The following UGT1A8 variants were observed in gnomAD, a reference collection of about 807,000 sequenced individuals.
UGT1A8 encodes the protein UDP-glucuronosyltransferase 1A8.
UGT1A8 carries 39 observed loss-of-function variants against 45.3 expected under a neutral mutation model. The ratio of observed to expected loss-of-function variants is 0.86; its 90% CI spans 0.67 to 1.12. The LOEUF is 1.12. Among genes scored for constraint, UGT1A8 ranks in the 50% most tolerant of loss-of-function variants. The pLI is 0.00. For missense variants in UGT1A8, 719 were observed against 664.9 expected, an observed-to-expected ratio of 1.08 and a Z score of -0.90; for synonymous variants, 275 against 249.2, an observed-to-expected ratio of 1.10 and a Z score of -0.97.
At chr2:233,728,395 C>G (rs989594953) in intron 1 of UGT1A8, among the ~76,000 whole-genome samples, 1 of 152,120 alleles carries the variant, frequency 6.6e-6, no homozygotes, top group Non-Finnish European at 1.5e-5. Flanking sequence ...GTTGTCTTGC[C>G]CATGTGTGCT....
intron 1 of UGT1A8, among the ~76,000 whole-genome samples, chr2:233,715,816 G>A (rs1294109650): frequency 6.6e-6 from 1 of 152,118 alleles, no homozygotes; most frequent in Non-Finnish European, 1.5e-5. Context: ...TTGTTTTAAA[G>A]TTAGAAAACA....
intron 1 of UGT1A8, among the ~76,000 whole-genome samples, chr2:233,642,978 T>C (rs2125465722): frequency 6.6e-6 from 1 of 152,322 alleles, no homozygotes; most frequent in African/African-American, 2.4e-5. Flanking sequence ...CCATCACCAC[T>C]ATGACTGTGC....
intron 1 of UGT1A8, among the ~76,000 whole-genome samples, chr2:233,676,310 T>C (rs554815608): frequency 6.6e-6 from 1 of 152,332 alleles, no homozygotes; most frequent in African/African-American, 2.4e-5. Context: ...TCTCACAGTC[T>C]GTTGAGTGAC....
chr2:233,622,373 C>T (rs2073024447), intron 1 of UGT1A8, among the ~76,000 whole-genome samples: 1 of 152,168 alleles, frequency 6.6e-6, no homozygotes, highest in Admixed American at 6.5e-5. Context: ...CCTATTTCTC[C>T]ACATCCTCTC....
At chr2:233,693,048 T>A in intron 1 of UGT1A8, 1 of 1,614,120 alleles carries the variant, frequency 6.2e-7, no homozygotes, top group South Asian at 1.1e-5. Context: ...TCTGCAGGGG[T>A]TTTCTTCTTA....
In UGT1A8 at chr2:233,725,323, G is replaced by T. The variant is rs1370271039; in HGVS notation, c.856-41711G>T. Among the ~76,000 whole-genome samples the T allele has an allele frequency of 2.0e-5, 2 of 97,652 alleles. 1 individual carries two copies. The highest frequency in any genetic ancestry group is 4.3e-5 in the Non-Finnish European group (2 of 46,066). 64.1% of individuals were successfully genotyped at this position (97,652 alleles called of 152,430 possible). The stretch of plus-strand genomic sequence containing the variant: ...GCAGAGGCAGAGGCAGAGGCGCCTG[G>T]TCAACAATCTTAAGTCCAATAAGAA... On this transcript the variant is annotated intron_variant, in intron 1 of 4. Transcript: ENST00000373450.
chr2:233,645,011 T>C (rs991996970), intron 1 of UGT1A8, among the ~76,000 whole-genome samples: 2 of 152,142 alleles, frequency 1.3e-5, no homozygotes, highest in African/African-American at 2.4e-5. Context: ...ATTAGAGATA[T>C]TGGGTTTGGG....
In UGT1A8 at chr2:233,672,430, G is replaced by A. The variant is rs766064889; in HGVS notation, c.855+53868G>A. On this transcript the variant is annotated intron_variant, in intron 1 of 4. Transcript: ENST00000373450. The stretch of plus-strand genomic sequence containing the variant: ...TGCCAAATATTTCTCCCTCCCCTCC[G>A]TGGTCTTCGCCAGGGGAATACTTTG... The A allele has an allele frequency of 1.7e-5, 28 of 1,613,842 alleles. No homozygotes were observed. In the East Asian group the frequency reaches 3.6e-4, roughly 21 times the overall value.
intron 1 of UGT1A8, among the ~76,000 whole-genome samples, chr2:233,704,490 ATTG>A (rs1399641575): frequency 1.3e-5 from 2 of 152,084 alleles, no homozygotes; most frequent in African/African-American, 4.8e-5. Flanking sequence ...TTATGATATT[ATTG>A]TTATACGTGG....
chr2:233,640,286 G>A (rs978338559), intron 1 of UGT1A8, among the ~76,000 whole-genome samples: 2 of 151,972 alleles, frequency 1.3e-5, no homozygotes, highest in Admixed American at 1.3e-4. Flanking sequence ...GTGTTTTGCT[G>A]TATTAATTCA....
chr2:233,625,115 T>C (rs2073067996), intron 1 of UGT1A8, among the ~76,000 whole-genome samples: 1 of 152,088 alleles, frequency 6.6e-6, no homozygotes, highest in African/African-American at 2.4e-5. Context: ...TTATTAGTAT[T>C]ATATCCTGTA....
rs533684290 is a variant in UGT1A8, at chr2:233,717,047, G to A, written c.856-49987G>A. Among the ~76,000 whole-genome samples the A allele has an allele frequency of 3.9e-5, 6 of 152,238 alleles. No individual in the cohort carries two copies. In the South Asian group the frequency reaches 1.0e-3, roughly 26 times the overall value. ...CATCTTCCAAGATACATGGGCCTCCGCAGGGTCTAGGAGTGCCAGACACGT... is the reference window on the plus strand; with the variant it reads ...CATCTTCCAAGATACATGGGCCTCCACAGGGTCTAGGAGTGCCAGACACGT... On this transcript the variant is annotated intron_variant, in intron 1 of 4. Coordinates refer to ENST00000373450, the MANE Select transcript of UGT1A8 (RefSeq NM_019076.5).
At chr2:233,729,153 G>A in intron 1 of UGT1A8, 4 of 1,613,546 alleles carry the variant, frequency 2.5e-6, no homozygotes, top group Non-Finnish European at 3.4e-6. Context: ...AGGTTCCCCT[G>A]CCGTGGCTGG....
intron 1 of UGT1A8, chr2:233,754,258 T>A: frequency 5.9e-6 from 1 of 170,430 alleles, no homozygotes; most frequent in South Asian, 1.4e-4. Flanking sequence ...CGGAAAAAGG[T>A]AAGGCTCAAA....
rs201968211 is a variant in UGT1A8 at position 233,718,966 on chromosome 2, G to A, written c.856-48068G>A. 301 of 1,614,070 alleles carry A rather than the reference G, an allele frequency of 1.9e-4. 1 individual carries two copies. The highest frequency in any genetic ancestry group is 1.6e-4 in the Middle Eastern group (1 of 6,072). On this transcript the variant is annotated intron_variant, in intron 1 of 4. Transcript: ENST00000373450. ...TGGCTCAGCATGCGGGAGGCCTTGC[G>A]GGAGCTCCATGCCAGAGGCCACCAG...
rs368511777 is a variant in UGT1A8 at position 233,719,318 on chromosome 2, G to A, written c.856-47716G>A. 1.9e-5 allele frequency: 30 copies of A among 1,613,836 alleles called. No individual in the cohort carries two copies. In the East Asian group the frequency reaches 2.5e-4, roughly 13 times the overall value. On this transcript the variant is annotated intron_variant, in intron 1 of 4. Transcript: ENST00000373450. ...GGGCGGTGCTGGCTAAGTACCTGTC[G>A]ATTCCTGCTGTGTTTTTTTGGAGGT...
At chr2:233,680,388 G>A (rs1487588309) in intron 1 of UGT1A8, among the ~76,000 whole-genome samples, 1 of 152,198 alleles carries the variant, frequency 6.6e-6, no homozygotes, top group Non-Finnish European at 1.5e-5. Context: ...CCCTGCAATA[G>A]CAACAGGAGG....
intron 1 of UGT1A8, among the ~76,000 whole-genome samples, chr2:233,764,762 A>G (rs1448451732): frequency 6.6e-6 from 1 of 152,160 alleles, no homozygotes; most frequent in Admixed American, 6.5e-5. Flanking sequence ...GACCCTAGGG[A>G]GGAAGGAGTT....
intron 1 of UGT1A8, among the ~76,000 whole-genome samples, chr2:233,710,713 A>AT: frequency 6.6e-6 from 1 of 152,088 alleles, no homozygotes; most frequent in Non-Finnish European, 1.5e-5. Context: ...CCTTTGTTTC[A>AT]TTTTTTAAAA....
Sources: allele counts gnomAD v4.1 joint callset (sites outside exome capture counted in the v4.1 genomes callset), GRCh38; gene constraint gnomAD v4.1.1; transcripts MANE v1.5; gene names NCBI Gene and HGNC (gene_info 2026-07-23, HGNC 2026-07-21).